The following EEF2K variants were observed in gnomAD, a reference collection of about 807,000 sequenced individuals.
EEF2K encodes the protein alternative protein EEF2K.
EEF2K carries 70 observed loss-of-function variants against 93.8 expected under a neutral mutation model. The observed-to-expected ratio is 0.75, with a 90% CI of 0.62 to 0.91. The LOEUF is 0.91. Among genes scored for constraint, EEF2K ranks in the 40% least tolerant of loss-of-function variants. EEF2K has a pLI of 0.00. For synonymous variants in EEF2K, 376 were observed against 380.8 expected (o/e 0.99, Z 0.15); for missense variants, 935 against 972.9 (o/e 0.96, Z 0.52).
At chr16:22,226,248 G>A (rs1250209149) in intron 2 of EEF2K, among the ~76,000 whole-genome samples, 1 of 146,166 alleles carries the variant, frequency 6.8e-6, no homozygotes, top group African/African-American at 2.5e-5. Flanking sequence ...GTTTTGTTTT[G>A]TTTGTTTATT....
At chr16:22,278,501 A>G (rs1290500261) in intron 16 of EEF2K, among the ~76,000 whole-genome samples, 1 of 152,118 alleles carries the variant, frequency 6.6e-6, no homozygotes, top group Admixed American at 6.6e-5. Flanking sequence ...AGGAGCAGGC[A>G]TCGTTGGGGA....
intron 9 of EEF2K, 127 bp from the exon 10 acceptor site, chr16:22,258,367 G>C (rs960548390): frequency 3.2e-6 from 3 of 950,756 alleles, no homozygotes; most frequent in Non-Finnish European, 1.6e-6. Flanking sequence ...CAATATATCA[G>C]CTCCTAAACA....
chr16:22,227,028 A>G (rs2047071719), intron 2 of EEF2K, among the ~76,000 whole-genome samples: 1 of 152,070 alleles, frequency 6.6e-6, no homozygotes, highest in Admixed American at 6.5e-5. Context: ...GTGAAACTCC[A>G]TCTCTACTAA....
At chr16:22,254,615 T>C (rs2047382105) in intron 6 of EEF2K, among the ~76,000 whole-genome samples, 1 of 152,218 alleles carries the variant, frequency 6.6e-6, no homozygotes, top group East Asian at 1.9e-4. Context: ...CCATATGCAC[T>C]ATTTATACAT....
rs376970159 is a variant in EEF2K at position 22,251,286 on chromosome 16, G to A, written c.582G>A (p.Trp194Ter). The change falls in exon 6 of 18, where the codon TGG becomes TGA. Residue 194 changes from tryptophan to a stop codon, truncating the protein, a stop_gained. Coordinates refer to ENST00000263026, the MANE Select transcript of EEF2K (RefSeq NM_013302.5). LOFTEE classifies it high-confidence loss of function. ...DVRLQMEAKL[W>*]GEEYNRHKPP... ...GTCTACAGATGGAGGCCAAGCTCTG[G>A]GGGGAGGAGTATAATCGGCACAAGC... 1 of 1,614,148 alleles carries A rather than the reference G, an allele frequency of 6.2e-7. No individual in the cohort carries two copies. The highest frequency in any genetic ancestry group is 2.2e-5 in the East Asian group (1 of 44,874).
At chr16:22,213,479 T>C (rs369756333) in intron 1 of EEF2K, among the ~76,000 whole-genome samples, 41 of 152,330 alleles carry the variant, frequency 2.7e-4, no homozygotes, top group African/African-American at 9.9e-4. Flanking sequence ...TCTCTAGACA[T>C]TGCCAAATGT....
At chr16:22,258,221 T>C (rs2047426324) in intron 9 of EEF2K, among the ~76,000 whole-genome samples, 1 of 152,132 alleles carries the variant, frequency 6.6e-6, no homozygotes, top group African/African-American at 2.4e-5. Flanking sequence ...TAGAGTGGAA[T>C]GCTTTCTCCA....
At chr16:22,214,736 G>A (rs775336112) in intron 1 of EEF2K, among the ~76,000 whole-genome samples, 4 of 152,194 alleles carry the variant, frequency 2.6e-5, no homozygotes, top group Non-Finnish European at 5.9e-5. Flanking sequence ...CATTTGAGCT[G>A]CGTCTTGAAG....
chr16:22,271,239 G>C (rs1253525301), intron 15 of EEF2K, among the ~76,000 whole-genome samples: 1 of 151,864 alleles, frequency 6.6e-6, no homozygotes, highest in Non-Finnish European at 1.5e-5. Flanking sequence ...CAAAGTGCTG[G>C]GATTACAGAG....
At chr16:22,252,665 G>A (rs1231582189) in intron 6 of EEF2K, among the ~76,000 whole-genome samples, 1 of 152,190 alleles carries the variant, frequency 6.6e-6, no homozygotes, top group African/African-American at 2.4e-5. Context: ...AGCTGGGAAT[G>A]TATATTAGTC....
chr16:22,239,798 A>C (rs1183598726), intron 2 of EEF2K, among the ~76,000 whole-genome samples: 1 of 151,922 alleles, frequency 6.6e-6, no homozygotes, highest in Admixed American at 6.6e-5. Flanking sequence ...GTGACAGAGC[A>C]AGACCCTGTC....
In EEF2K at chr16:22,260,582, G is replaced by A. The variant is rs768421667; in HGVS notation, c.1299+53G>A. ...GCTTCAGACCCCAGCAGGGGTAGGA[G>A]TGGATTCACTCCCAGAGTGAATCTT... On this transcript the variant is annotated intron_variant, in intron 11 of 17. Coordinates refer to ENST00000263026, the MANE Select transcript of EEF2K (RefSeq NM_013302.5). 18 of 1,607,802 alleles carry A rather than the reference G, an allele frequency of 1.1e-5. No individual in the cohort carries two copies. In the African/African-American group the frequency reaches 2.1e-4, roughly 19 times the overall value.
Position 22,257,694 on chromosome 16 carries a change from G to A in EEF2K, c.953G>A (p.Cys318Tyr). The A allele has an allele frequency of 6.2e-7, 1 of 1,613,980 alleles. No homozygotes were observed. Among genetic ancestry groups the A allele is most frequent in the Non-Finnish European group, 8.5e-7 (1 of 1,180,046 alleles). The change falls in exon 9 of 18, where the codon TGC becomes TAC. Residue 318 changes from cysteine (C) to tyrosine (Y), a missense_variant. Transcript: ENST00000263026. ...TACTCTCATGCCTGCAACCGGATTT[G>A]CGAGAGCATGGGCCTTGCTCCCTTT... ...FFYSHACNRICESMGLAPFDL... is the reference protein window; with the variant it reads ...FFYSHACNRIYESMGLAPFDL...
chr16:22,251,411 A>T, intron 6 of EEF2K, 89 bp downstream of exon 6: 2 of 1,372,096 alleles, frequency 1.5e-6, no homozygotes, highest in Admixed American at 2.9e-5. Context: ...TCCCTATTTC[A>T]CCTTCTTTTT....
At chr16:22,210,250 C>T (rs933988603) in intron 1 of EEF2K, among the ~76,000 whole-genome samples, 3 of 152,160 alleles carry the variant, frequency 2.0e-5, no homozygotes, top group African/African-American at 4.8e-5. Context: ...GGATGGCGTT[C>T]TGTTCTCCAG....
intron 16 of EEF2K, 122 bp downstream of exon 16, chr16:22,273,872 A>C: frequency 7.0e-7 from 1 of 1,419,366 alleles, no homozygotes; most frequent in Non-Finnish European, 9.4e-7. Context: ...TCCAGCAACC[A>C]TGGGCAACTT....
At chr16:22,251,365 C>A (rs1163698478) in intron 6 of EEF2K, 43 bp downstream of exon 6, 1 of 1,605,486 alleles carries the variant, frequency 6.2e-7, no homozygotes, top group East Asian at 2.2e-5. Context: ...GCCAGGGCAG[C>A]TGGGCACAGT....
intron 16 of EEF2K, among the ~76,000 whole-genome samples, chr16:22,278,260 A>G (rs1200646991): frequency 2.6e-5 from 4 of 152,084 alleles, no homozygotes; most frequent in Admixed American, 1.3e-4. Context: ...TTTTATAACA[A>G]ATCCACTTTC....
intron 16 of EEF2K, among the ~76,000 whole-genome samples, 175 bp from the exon 17 acceptor site, chr16:22,280,023 A>AATGG (rs2047677059): frequency 6.6e-6 from 1 of 152,130 alleles, no homozygotes; most frequent in African/African-American, 2.4e-5. Flanking sequence ...TGAGTGAATG[A>AATGG]ATATCACAGT....
Sources: allele counts gnomAD v4.1 joint callset (sites outside exome capture counted in the v4.1 genomes callset), GRCh38; gene constraint gnomAD v4.1.1; transcripts MANE v1.5; gene names NCBI Gene and HGNC (gene_info 2026-07-23, HGNC 2026-07-21).